The following ZFAND1 variants were observed in gnomAD, a reference collection of about 807,000 sequenced individuals.
The protein encoded by ZFAND1 is AN1-type zinc finger protein 1.
A neutral mutation model predicts 38.5 loss-of-function variants in ZFAND1; 40 were observed. That is an observed-to-expected ratio of 1.04 (90% CI 0.81 to 1.35). The LOEUF is 1.35. ZFAND1 is among the 40% of genes most tolerant of loss of function. The pLI is 0.00. For synonymous variants in ZFAND1, 117 were observed against 103.6 expected, an observed-to-expected ratio of 1.13 and a Z score of -0.78; for missense variants, 346 against 316.3, an observed-to-expected ratio of 1.09 and a Z score of -0.71.
chr8:81,717,655 T>C (rs886179919), intron 2 of ZFAND1, among the ~76,000 whole-genome samples: 10 of 152,144 alleles, frequency 6.6e-5, no homozygotes, highest in African/African-American at 2.4e-4. Context: ...TTTATTTACT[T>C]CCAACAAATC....
intron 2 of ZFAND1, 98 bp from the exon 3 acceptor site, chr8:81,717,386 A>G (rs1808349658): frequency 2.4e-6 from 2 of 829,012 alleles, no homozygotes; most frequent in Admixed American, 6.2e-5. Flanking sequence ...AAGATACATT[A>G]TGCTCATACT....
At chr8:81,703,166 A>G (rs139693231) in intron 6 of ZFAND1, 42 bp from the exon 7 acceptor site, 2 of 1,379,724 alleles carry the variant, frequency 1.4e-6, no homozygotes, top group African/African-American at 2.9e-5. Context: ...CATAGACAAA[A>G]TAGACATCAG....
intron 6 of ZFAND1, among the ~76,000 whole-genome samples, chr8:81,704,283 T>C (rs1807904901): frequency 6.6e-6 from 1 of 152,154 alleles, no homozygotes; most frequent in African/African-American, 2.4e-5. Flanking sequence ...ATGCCTATAA[T>C]CCTAGCACTT....
In ZFAND1 at chr8:81,718,211, A is replaced by C; in HGVS notation, c.69T>G (p.Phe23Leu). ...ATATTCCTGAACAATCATCACACAC[A>C]AATGGAAGAAAATCTAAAATTGAGA... ...EHCRQRDFLP[F>L]VCDDCSGIFC... Residue 23 changes from phenylalanine (F) to leucine (L), a missense_variant, in exon 2 of 8, where the codon TTT becomes TTG. Physicochemically the swap from Phe to Leu is conservative, Grantham distance 22. Transcript: ENST00000220669. 1.9e-6 allele frequency: 3 copies of C among 1,574,368 alleles called. No homozygotes were observed. Among genetic ancestry groups the C allele is most frequent in the Non-Finnish European group, 2.6e-6 (3 of 1,159,940 alleles).
rs73694730 is a variant in ZFAND1 at position 81,710,859 on chromosome 8, C to T, written c.480+3059G>A. Among the ~76,000 whole-genome samples, 325 of 152,114 alleles carry T rather than the reference C, an allele frequency of 2.1e-3. 1 individual carries two copies. The highest frequency in any genetic ancestry group is 7.5e-3 in the African/African-American group (313 of 41,498). On this transcript the variant is annotated intron_variant, in intron 6 of 7. Coordinates refer to ENST00000220669, the MANE Select transcript of ZFAND1 (RefSeq NM_024699.3). ...TATAAAAAAATTAGCAAAAACACAT[C>T]CATAGTAGGAGATTTTAACCTGAGA...
intron 6 of ZFAND1, among the ~76,000 whole-genome samples, chr8:81,712,280 C>A (rs2130416893): frequency 6.6e-6 from 1 of 152,206 alleles, no homozygotes; most frequent in African/African-American, 2.4e-5. Context: ...CACAGTATAT[C>A]TAATACTTGA....
intron 6 of ZFAND1, among the ~76,000 whole-genome samples, chr8:81,709,133 G>T (rs965760467): frequency 2.6e-5 from 4 of 152,102 alleles, no homozygotes; most frequent in Non-Finnish European, 5.9e-5. Flanking sequence ...ATTGAAAAAT[G>T]ACAAAATAAG....
At chr8:81,720,999 T>C (rs1201967249) in intron 1 of ZFAND1, 8 of 517,604 alleles carry the variant, frequency 1.5e-5, no homozygotes, top group African/African-American at 2.0e-5. Flanking sequence ...GCCTCAGGAA[T>C]TGCATGGCTT....
At chr8:81,718,968 C>G (rs184290345) in intron 1 of ZFAND1, among the ~76,000 whole-genome samples, 1 of 151,716 alleles carries the variant, frequency 6.6e-6, no homozygotes, top group Non-Finnish European at 1.5e-5. Context: ...TATAAAGATA[C>G]AAGCACATCC....
intron 3 of ZFAND1, 88 bp downstream of exon 3, chr8:81,717,161 T>C: frequency 8.8e-7 from 1 of 1,135,710 alleles, no homozygotes; most frequent in Non-Finnish European, 1.2e-6. Flanking sequence ...TAATCTGTGA[T>C]ACTGACTGCC....
intron 1 of ZFAND1, among the ~76,000 whole-genome samples, chr8:81,718,743 T>C (rs987451951): frequency 6.7e-6 from 1 of 150,060 alleles, no homozygotes; most frequent in African/African-American, 2.4e-5. Flanking sequence ...TCGCCAAAGC[T>C]TGACTATATT....
intron 6 of ZFAND1, among the ~76,000 whole-genome samples, chr8:81,711,178 C>T (rs1241813935): frequency 9.2e-5 from 14 of 152,046 alleles, no homozygotes; most frequent in Admixed American, 3.9e-4. Context: ...CTTTGGGAGG[C>T]AGAGGAGGGT....
At chr8:81,707,864 G>T (rs761893028) in intron 6 of ZFAND1, among the ~76,000 whole-genome samples, 9 of 152,124 alleles carry the variant, frequency 5.9e-5, no homozygotes, top group Non-Finnish European at 1.3e-4. Flanking sequence ...ATAATCAGTG[G>T]TGGCAAAACT....
At chr8:81,712,171 T>A (rs1347442408) in intron 6 of ZFAND1, among the ~76,000 whole-genome samples, 1 of 151,960 alleles carries the variant, frequency 6.6e-6, no homozygotes, top group Non-Finnish European at 1.5e-5. Flanking sequence ...AATAAAAAAA[T>A]TTACAGTAAA....
chr8:81,713,048 G>A (rs1808183122), intron 6 of ZFAND1, among the ~76,000 whole-genome samples: 1 of 152,110 alleles, frequency 6.6e-6, no homozygotes, highest in South Asian at 2.1e-4. Flanking sequence ...TTAAACAGTA[G>A]TCTCAATCCA....
At chr8:81,719,354 C>CACACACAA (rs1334131156) in intron 1 of ZFAND1, among the ~76,000 whole-genome samples, 4 of 148,604 alleles carry the variant, frequency 2.7e-5, no homozygotes, top group African/African-American at 5.0e-5. Flanking sequence ...CACACACACA[C>CACACACAA]AAATTAGCTG....
chr8:81,713,693 A>G (rs1025624289), intron 6 of ZFAND1, among the ~76,000 whole-genome samples: 3 of 151,520 alleles, frequency 2.0e-5, no homozygotes, highest in East Asian at 1.9e-4. Flanking sequence ...CCCAAGTGGG[A>G]AAAAAAAAGA....
intron 6 of ZFAND1, among the ~76,000 whole-genome samples, chr8:81,703,533 C>T (rs560245138): frequency 3.3e-5 from 5 of 152,254 alleles, no homozygotes; most frequent in Non-Finnish European, 7.3e-5. Context: ...AAGTGATTCT[C>T]ATGCCTCAGC....
chr8:81,720,249 TG>T (rs1808431972), intron 1 of ZFAND1, among the ~76,000 whole-genome samples: 1 of 152,148 alleles, frequency 6.6e-6, no homozygotes, highest in Admixed American at 6.5e-5. Context: ...CTTTTCAAGG[TG>T]TATGGCATCC....
Sources: gnomAD v4.1 joint callset for allele counts (sites outside exome capture counted in the v4.1 genomes callset) on GRCh38, gnomAD v4.1.1 for gene constraint, MANE v1.5 for transcripts, NCBI Gene and HGNC (gene_info 2026-07-23, HGNC 2026-07-21) for gene names.